MYH3: variants seen among roughly 807,000 people sequenced by gnomAD.
MYH3 encodes myosin heavy chain 3.
MYH3 carries 130 observed loss-of-function variants against 238.0 expected under a neutral mutation model. That is an observed-to-expected ratio of 0.55 (90% CI 0.47 to 0.63). The LOEUF (loss-of-function observed/expected upper bound fraction) is 0.63, where lower values mean the gene tolerates loss of function less well. Ranked by LOEUF, MYH3 falls within the 30% of genes least tolerant of loss-of-function variation. The pLI is 0.00. For missense variants in MYH3, 1,853 were observed against 2,374.9 expected, an observed-to-expected ratio of 0.78 and a Z score of 4.57; for synonymous variants, 880 against 924.1, an observed-to-expected ratio of 0.95 and a Z score of 0.86.
chr17:10,651,741 AT>A, intron 4 of MYH3, 73 bp from the exon 5 acceptor site: 2 of 1,437,440 alleles, frequency 1.4e-6, no homozygotes, highest in South Asian at 1.3e-5. Context: ...CTTTATTATT[AT>A]TATTGTTTTT....
At chr17:10,652,868 G>A (rs559931672) in intron 3 of MYH3, among the ~76,000 whole-genome samples, 157 of 151,940 alleles carry the variant, frequency 1.0e-3, no homozygotes, top group South Asian at 4.4e-3. Flanking sequence ...TGATCCACCC[G>A]CCTCAGCCTC....
Position 10,635,527 on chromosome 17 carries a change from G to A in MYH3, c.4012C>T (p.Arg1338Cys), listed in dbSNP as rs774426434. ...TCCCGCAGCAGGTCACAGTCGTGGC[G>A]GGAGGACTGCAGGGCGTGCGCCAGG... ...NALAHALQSS[R>C]HDCDLLREQY... The change falls in exon 30 of 41, where the codon CGC (arginine) becomes TGC (cysteine). Residue 1338 changes from arginine to cysteine, a missense_variant. This residue lies in a region of MYH3 where 1,044 missense variants were observed against 1,192.6 expected (regional missense o/e 0.88). Coordinates refer to ENST00000583535, the MANE Select transcript of MYH3 (RefSeq NM_002470.4). 3.3e-5 allele frequency: 54 copies of A among 1,614,226 alleles called. No homozygotes were observed. Among genetic ancestry groups the A allele is most frequent in the Non-Finnish European group, 4.1e-5 (48 of 1,180,036 alleles).
upstream of MYH3, among the ~76,000 whole-genome samples, chr17:10,659,628 G>A (rs1368874789): frequency 6.6e-6 from 1 of 152,230 alleles, no homozygotes; most frequent in Non-Finnish European, 1.5e-5. Flanking sequence ...GCTGAGAAGA[G>A]GAAGACACGT....
chr17:10,654,669 ACCCTGGAAC>A lies in MYH3; in HGVS notation c.204+183_204+191del, dbSNP rs144031281. Among the ~76,000 whole-genome samples, 699 of 152,154 alleles carry A rather than the reference ACCCTGGAAC, an allele frequency of 4.6e-3. 5 individuals carry two copies. Among genetic ancestry groups the A allele is most frequent in the African/African-American group, 0.016 (665 of 41,522 alleles). On this transcript the variant is annotated intron_variant, in intron 3 of 40. Transcript: ENST00000583535. The surrounding 1 kb of genome is among the most constrained non-coding windows in gnomAD (Gnocchi z 4.5). The stretch of plus-strand genomic sequence containing the variant: ...TCAGCCACAGCCAGACTCTATTCCC[ACCCTGGAAC>A]CTGAGGCCAGTATTCACTCTGCTTT...
chr17:10,667,748 G>C, the MYH3 span, among the ~76,000 whole-genome samples: 3 of 150,642 alleles, frequency 2.0e-5, no homozygotes, highest in Non-Finnish European at 4.4e-5. Flanking sequence ...CCAGGATATA[G>C]CGTTAAAAAA....
rs564515151 is a variant in MYH3, at chr17:10,653,705, T to C, written c.205-1142A>G. Among the ~76,000 whole-genome samples the C allele has an allele frequency of 2.0e-5, 3 of 152,332 alleles. No homozygotes were observed. The South Asian group carries it at 6.2e-4, about 32-fold the overall frequency. On this transcript the variant is annotated intron_variant, in intron 3 of 40. Coordinates refer to ENST00000583535, the MANE Select transcript of MYH3 (RefSeq NM_002470.4). Reference sequence around the variant, plus strand: ...TGACCTCCTCTGAAATGGTCAGTTTTCCTGGTTCTGTCTCTGGGCAGTGTG... The same window carrying C: ...TGACCTCCTCTGAAATGGTCAGTTTCCCTGGTTCTGTCTCTGGGCAGTGTG...
chr17:10,632,409 G>A, intron 34 of MYH3, 67 bp downstream of exon 34: 1 of 1,556,724 alleles, frequency 6.4e-7, no homozygotes, highest in Non-Finnish European at 8.8e-7. Context: ...GTGCACCACT[G>A]TGCCCAGCCT....
the MYH3 span, among the ~76,000 whole-genome samples, chr17:10,666,719 G>A: frequency 4.6e-5 from 7 of 151,980 alleles, no homozygotes; most frequent in East Asian, 1.9e-4. Context: ...CTACAATCAC[G>A]CCACTGCAGT....
At chr17:10,665,980 T>A in the MYH3 span, among the ~76,000 whole-genome samples, 1 of 152,074 alleles carries the variant, frequency 6.6e-6, no homozygotes. Context: ...ATACCTGAAA[T>A]GGCATCTCAA....
Position 10,643,373 on chromosome 17 carries a change from CT to C in MYH3, c.1411-378del, listed in dbSNP as rs542626408. Among the ~76,000 whole-genome samples, 58 of 149,434 alleles carry C rather than the reference CT, an allele frequency of 3.9e-4. 1 individual carries two copies. In the East Asian group the frequency reaches 4.1e-3, roughly 11 times the overall value. ...ATACACTTTGATGAGTGGCTATGCA[CT>C]TTTTTTTTTCTTTTTTTTTTGAGAC... On this transcript the variant is annotated intron_variant, in intron 14 of 40. Transcript: ENST00000583535.
the MYH3 span, chr17:10,678,219 TCA>T: frequency 3.3e-5 from 5 of 152,210 alleles, no homozygotes; most frequent in East Asian, 1.9e-4. Flanking sequence ...TTGGTTGGAT[TCA>T]CACAGTCACC....
intron 10 of MYH3, among the ~76,000 whole-genome samples, 195 bp from the exon 11 acceptor site, chr17:10,646,227 C>T (rs1232154364): frequency 6.6e-6 from 1 of 152,110 alleles, no homozygotes; most frequent in Non-Finnish European, 1.5e-5. Flanking sequence ...ACTTTTCAGT[C>T]TCCCACACAA....
intron 2 of MYH3, 76 bp from the exon 3 acceptor site, chr17:10,655,148 TC>T: frequency 8.3e-7 from 1 of 1,205,066 alleles, no homozygotes; most frequent in Non-Finnish European, 1.2e-6. Flanking sequence ...TGTTTCAGCC[TC>T]CACCCTGCCC....
the MYH3 span, among the ~76,000 whole-genome samples, chr17:10,668,876 C>T: frequency 2.0e-5 from 3 of 152,214 alleles, no homozygotes; most frequent in African/African-American, 7.2e-5. Flanking sequence ...TCTTCATATC[C>T]TTTGCCCTTT....
rs1420430206 is a variant in MYH3 at position 10,631,952 on chromosome 17, A to G, written c.5021T>C (p.Ile1674Thr). The stretch of plus-strand genomic sequence containing the variant: ...CAGCAGGTTGGCTCTGCGCTCCACA[A>G]TCGCCAGCTGCTCCTTCAGGTCCTC... ...GQEDLKEQLA[I>T]VERRANLLQA... The change falls in exon 35 of 41, where the codon ATT becomes ACT. Residue 1674 changes from isoleucine (I) to threonine (T), a missense_variant. Ile to Thr is a moderately conservative substitution (Grantham distance 89). This residue lies in a region of MYH3 where 1,044 missense variants were observed against 1,192.6 expected (regional missense o/e 0.88). Coordinates refer to ENST00000583535, the MANE Select transcript of MYH3 (RefSeq NM_002470.4). 11 of 1,613,824 alleles carry G rather than the reference A, an allele frequency of 6.8e-6. No individual in the cohort carries two copies. Among genetic ancestry groups the G allele is most frequent in the South Asian group, 4.4e-5 (4 of 91,076 alleles).
Position 10,634,086 on chromosome 17 carries a change from G to A in MYH3, c.4453C>T (p.Leu1485=). 6.2e-7 allele frequency: 1 copy of A among 1,614,192 alleles called. No individual in the cohort carries two copies. Among genetic ancestry groups the A allele is most frequent in the Non-Finnish European group, 8.5e-7 (1 of 1,180,026 alleles). ...SRSLSTELFK[L]KNAYEEALDQ... Reference sequence around the variant, plus strand: ...AAGGCTTCCTCGTAGGCATTTTTCAGTTTGAAGAGCTCAGTGCTCAAGGAG... The same window carrying A: ...AAGGCTTCCTCGTAGGCATTTTTCAATTTGAAGAGCTCAGTGCTCAAGGAG... Residue 1485 remains leucine, a synonymous_variant, in exon 32 of 41, where the codon CTG becomes TTG. Coordinates refer to ENST00000583535, the MANE Select transcript of MYH3 (RefSeq NM_002470.4).
the MYH3 span, among the ~76,000 whole-genome samples, chr17:10,667,889 A>T: frequency 6.6e-6 from 1 of 152,192 alleles, no homozygotes; most frequent in Non-Finnish European, 1.5e-5. Context: ...TTCTTATATG[A>T]TTTTGACTTT....
chr17:10,676,400 T>G, the MYH3 span: 1 of 152,156 alleles, frequency 6.6e-6, no homozygotes, highest in African/African-American at 2.4e-5. Flanking sequence ...CAACTGTGGT[T>G]GTTTTTAAAG....
chr17:10,674,107 G>A, the MYH3 span: 1 of 152,470 alleles, frequency 6.6e-6, no homozygotes, highest in Admixed American at 6.5e-5. Context: ...ACTGAGGTGG[G>A]GATCTTGTTA....
Sources: gnomAD v4.1 joint callset for allele counts (sites outside exome capture counted in the v4.1 genomes callset) on GRCh38, gnomAD v4.1.1 for gene constraint, gnomAD v4.1.1 regional missense constraint, Gnocchi (gnomAD v3.1) non-coding constraint, MANE v1.5 for transcripts, NCBI Gene and HGNC (gene_info 2026-07-23, HGNC 2026-07-21) for gene names.